The following ADARB2 variants were observed in gnomAD, a reference collection of about 807,000 sequenced individuals.
The protein encoded by ADARB2 is adenosine deaminase RNA specific B2 (inactive).
Under a neutral mutation model 62.2 loss-of-function variants are expected in ADARB2, and 25 were observed. That is an observed-to-expected ratio of 0.40 (90% confidence interval 0.29 to 0.56). The LOEUF is 0.56. Among genes scored for constraint, ADARB2 ranks in the 20% least tolerant of loss-of-function variants. ADARB2 has a pLI of 0.43. For missense variants in ADARB2, 1,071 were observed against 1,077.4 expected, an observed-to-expected ratio of 0.99 and a Z score of 0.08; for synonymous variants, 572 against 500.8, an observed-to-expected ratio of 1.14 and a Z score of -1.90.
At chr10:1,408,114 T>G (rs996205447) in intron 1 of ADARB2, among the ~76,000 whole-genome samples, 2 of 152,256 alleles carry the variant, frequency 1.3e-5, no homozygotes, top group Non-Finnish European at 2.9e-5. Context: ...GGATTTAATT[T>G]GTAAATATGG....
chr10:1,555,757 A>G (rs1832691339), intron 1 of ADARB2, among the ~76,000 whole-genome samples: 1 of 152,186 alleles, frequency 6.6e-6, no homozygotes, highest in Non-Finnish European at 1.5e-5. Context: ...CAACATGGTG[A>G]AACCCTGTCT....
chr10:1,579,991 C>A (rs1833075011), intron 1 of ADARB2, among the ~76,000 whole-genome samples: 1 of 152,198 alleles, frequency 6.6e-6, no homozygotes. Context: ...TATCCCTGTT[C>A]ACGAAAACAG....
At chr10:1,615,503 C>A (rs536298555) in intron 1 of ADARB2, among the ~76,000 whole-genome samples, 1 of 152,190 alleles carries the variant, frequency 6.6e-6, no homozygotes, top group South Asian at 2.1e-4. Flanking sequence ...GGGGCATTGT[C>A]CACCCGGGAG....
At chr10:1,416,317 T>C (rs184553939) in intron 1 of ADARB2, among the ~76,000 whole-genome samples, 29 of 152,344 alleles carry the variant, frequency 1.9e-4, no homozygotes, top group Admixed American at 5.2e-4. Context: ...CTGCCAAAAG[T>C]TGAGAGATGA....
chr10:1,253,863 A>C (rs888825409), intron 4 of ADARB2, among the ~76,000 whole-genome samples: 3 of 152,220 alleles, frequency 2.0e-5, no homozygotes, highest in Non-Finnish European at 4.4e-5. Context: ...CTCTGTGGTG[A>C]GGATGTGGTG....
intron 1 of ADARB2, among the ~76,000 whole-genome samples, chr10:1,390,247 C>G (rs1423077947): frequency 6.6e-6 from 1 of 152,158 alleles, no homozygotes; most frequent in African/African-American, 2.4e-5. Flanking sequence ...CATAAAGTTC[C>G]AGGAGGCTTT....
Position 1,271,038 on chromosome 10 carries a change from G to T in ADARB2, c.1109C>A (p.Thr370Lys). 6.2e-7 allele frequency: 1 copy of T among 1,614,094 alleles called. No individual in the cohort carries two copies. The highest frequency in any genetic ancestry group is 8.5e-7 in the Non-Finnish European group (1 of 1,180,014). ...CGTCGTCACCTCGCGGAACTTCTGTGTGACCAGCTGGGATATGGAGTCTGC... is the reference window on the plus strand; with the variant it reads ...CGTCGTCACCTCGCGGAACTTCTGTTTGACCAGCTGGGATATGGAGTCTGC... Reference protein sequence around the residue: ...EFADSISQLVTQKFREVTTDL... With the variant: ...EFADSISQLVKQKFREVTTDL... Residue 370 changes from threonine (T) to lysine (K), a missense_variant, in exon 4 of 10, where the codon ACA (threonine) becomes AAA (lysine). By Grantham distance (78) the Thr-to-Lys change is moderately conservative (BLOSUM62 -1). Transcript: ENST00000381312.
rs187806193 is a variant in ADARB2, at chr10:1,669,477, G to A, written c.100+67574C>T. ...ACAGGGAGACACAAACACAGACACA[G>A]ACACACACACACTCACAGGGAGACA... is the stretch of plus-strand genomic sequence containing the variant. On this transcript the variant is annotated intron_variant, in intron 1 of 9. Coordinates refer to ENST00000381312, the MANE Select transcript of ADARB2 (RefSeq NM_018702.4). 3.5e-3 allele frequency among the ~76,000 whole-genome samples: 511 copies of A among 146,842 alleles called. 4 individuals are homozygous for A. Among genetic ancestry groups the A allele is most frequent in the African/African-American group, 0.012 (482 of 39,642 alleles).
rs375411384 is a variant in ADARB2, at chr10:1,726,244, A to G, written c.100+10807T>C. The stretch of plus-strand genomic sequence containing the variant: ...TATGTCTCCTGCTTACTTAGTGTGT[A>G]TGAGAGAAAAGGAACAGACGATAGA... On this transcript the variant is annotated intron_variant, in intron 1 of 9. Transcript: ENST00000381312. 1.5e-3 allele frequency among the ~76,000 whole-genome samples: 224 copies of G among 152,340 alleles called. 5 individuals are homozygous for G. In the South Asian group the frequency reaches 0.029, roughly 20 times the overall value.
intron 1 of ADARB2, among the ~76,000 whole-genome samples, chr10:1,391,767 T>A (rs1372140139): frequency 4.2e-5 from 1 of 23,694 alleles, no homozygotes; most frequent in African/African-American, 1.8e-4. Context: ...AAGAATTGGA[T>A]TTTTTTTTTT....
intron 1 of ADARB2, among the ~76,000 whole-genome samples, chr10:1,549,039 G>A (rs1042421466): frequency 7.9e-5 from 12 of 152,202 alleles, no homozygotes; most frequent in Admixed American, 6.5e-4. Context: ...GATGCTAAAA[G>A]AGAGGGAGAA....
At chr10:1,658,206 GTC>G (rs968377362) in intron 1 of ADARB2, among the ~76,000 whole-genome samples, 54 of 148,690 alleles carry the variant, frequency 3.6e-4, no homozygotes, top group African/African-American at 1.3e-3. Context: ...GTCTTTTTCT[GTC>G]TCTCTCTGTC....
At chr10:1,422,392 G>A (rs966392898) in intron 1 of ADARB2, among the ~76,000 whole-genome samples, 1 of 152,188 alleles carries the variant, frequency 6.6e-6, no homozygotes, top group African/African-American at 2.4e-5. Flanking sequence ...ACACTTTCAG[G>A]CCAGACCAGC....
At position 1,319,922 on chromosome 10, in the gene ADARB2, G is replaced by A. The variant is rs186569519; in HGVS notation, c.1077+43106C>T. Among the ~76,000 whole-genome samples, 42 of 152,314 alleles carry A rather than the reference G, an allele frequency of 2.8e-4. No homozygotes were observed. The East Asian group carries it at 3.5e-3, about 13-fold the overall frequency. ...GACTACTGGACCAATATGTGTAAAC[G>A]TTTCTAAAGTTTTTGGTGTGTATTG... On this transcript the variant is annotated intron_variant, in intron 3 of 9. Transcript: ENST00000381312.
At chr10:1,292,944 G>A (rs369676693) in intron 3 of ADARB2, 23 of 67,570 alleles carry the variant, frequency 3.4e-4, no homozygotes, top group African/African-American at 9.6e-4. Flanking sequence ...TCCTTCCATG[G>A]AGAGAGGGAA....
At chr10:1,352,213 A>G (rs59273573) in intron 3 of ADARB2, among the ~76,000 whole-genome samples, 82,239 of 150,960 alleles carry the variant, frequency 0.54, 22,879 homozygotes, top group Middle Eastern at 0.6. Context: ...ATTGTGTCCA[A>G]CTGATCTCTC....
intron 1 of ADARB2, among the ~76,000 whole-genome samples, chr10:1,723,061 C>G (rs1391466352): frequency 6.6e-6 from 1 of 152,194 alleles, no homozygotes; most frequent in Admixed American, 6.5e-5. Context: ...ACACATGTCA[C>G]TAAGGTGTGA....
At chr10:1,490,078 C>T (rs1831601222) in intron 1 of ADARB2, among the ~76,000 whole-genome samples, 1 of 152,114 alleles carries the variant, frequency 6.6e-6, no homozygotes, top group South Asian at 2.1e-4. Flanking sequence ...GTGCAAGATG[C>T]TGTCATCAGA....
In ADARB2 at chr10:1,496,194, C is replaced by G. The variant is rs1347738823; in HGVS notation, c.101-117034G>C. On this transcript the variant is annotated intron_variant, in intron 1 of 9. Coordinates refer to ENST00000381312, the MANE Select transcript of ADARB2 (RefSeq NM_018702.4). ...ACCATCATCATCATAGTCATCATCA[C>G]CATAATAAGTATCAACATCATCACT... Among the ~76,000 whole-genome samples, 9 of 150,992 alleles carry G rather than the reference C, an allele frequency of 6.0e-5. No individual in the cohort carries two copies. The East Asian group carries it at 1.8e-3, about 30-fold the overall frequency.
Sources: gnomAD v4.1 joint callset for allele counts (sites outside exome capture counted in the v4.1 genomes callset) on GRCh38, gnomAD v4.1.1 for gene constraint, MANE v1.5 for transcripts, NCBI Gene and HGNC (gene_info 2026-07-23, HGNC 2026-07-21) for gene names.